ZNF439: variants seen among roughly 807,000 people sequenced by gnomAD.
The protein encoded by ZNF439 is zinc finger protein 439.
Under a neutral mutation model 47.3 loss-of-function variants are expected in ZNF439, and 40 were observed. That is an observed-to-expected ratio of 0.85 (90% CI 0.66 to 1.10). ZNF439 has a LOEUF of 1.10. ZNF439 is among the 50% of genes least tolerant of loss of function. The pLI is 0.00. For synonymous variants in ZNF439, 171 were observed against 198.8 expected (o/e 0.86, Z 1.18); for missense variants, 556 against 601.1 (o/e 0.93, Z 0.78).
chr19:11,851,257 T>A (rs1976231754), intron 1 of ZNF439: 7 of 152,368 alleles, frequency 4.6e-5, no homozygotes, highest in Middle Eastern at 3.4e-3. Flanking sequence ...AAGCTGTGCC[T>A]ACCTGCATGT....
intron 1 of ZNF439, among the ~76,000 whole-genome samples, chr19:11,864,813 A>G (rs560799587): frequency 6.8e-6 from 1 of 147,432 alleles, no homozygotes; most frequent in South Asian, 2.1e-4. Context: ...TTTTTTTTTG[A>G]GATGCAGTTT....
intron 1 of ZNF439, among the ~76,000 whole-genome samples, chr19:11,855,371 G>T (rs575067958): frequency 2.0e-5 from 3 of 152,168 alleles, no homozygotes; most frequent in African/African-American, 7.2e-5. Flanking sequence ...GGGCGACTGG[G>T]CCGGGAATGG....
At chr19:11,865,198 C>T (rs894821414) in intron 1 of ZNF439, among the ~76,000 whole-genome samples, 1 of 152,118 alleles carries the variant, frequency 6.6e-6, no homozygotes, top group Non-Finnish European at 1.5e-5. Context: ...TTACTGCCAC[C>T]CCAGGAAGGT....
chr19:11,866,497 T>A, intron 2 of ZNF439, 40 bp from the exon 3 acceptor site: 1 of 1,608,390 alleles, frequency 6.2e-7, no homozygotes, highest in Non-Finnish European at 8.5e-7. Flanking sequence ...TTCACAATTT[T>A]ATACTGCCTC....
intron 1 of ZNF439, chr19:11,856,534 TACATGA>T (rs1976391103): frequency 6.6e-6 from 1 of 152,258 alleles, no homozygotes; most frequent in South Asian, 2.1e-4. Context: ...TGTCTATAGT[TACATGA>T]ACATAGCTAA....
In ZNF439 at chr19:11,868,404, A is replaced by G; in HGVS notation, c.1350A>G (p.Lys450=). 1 of 1,613,842 alleles carries G rather than the reference A, an allele frequency of 6.2e-7. No homozygotes were observed. Among genetic ancestry groups the G allele is most frequent in the Non-Finnish European group, 8.5e-7 (1 of 1,179,962 alleles). The change falls in exon 4 of 4, where the codon AAA becomes AAG. Residue 450 remains lysine (K), a synonymous_variant. Transcript: ENST00000682736. ...CGTATCAATGTAAGGAATGTGGGAA[A>G]GCTTTCAGATCTGCCTCACAACTTC... ...EKPYQCKECG[K]AFRSASQLRI...
chr19:11,860,667 T>C (rs1226029348), intron 1 of ZNF439, among the ~76,000 whole-genome samples: 1 of 152,190 alleles, frequency 6.6e-6, no homozygotes, highest in African/African-American at 2.4e-5. Flanking sequence ...TTGCTTCTAG[T>C]GAACAAGGGC....
At chr19:11,866,377 G>A (rs1279459151) in intron 2 of ZNF439, 46 bp downstream of exon 2, 1 of 1,612,286 alleles carries the variant, frequency 6.2e-7, no homozygotes, top group Admixed American at 1.7e-5. Context: ...GTTTACCAAT[G>A]TTTCTAGCTC....
At position 11,868,114 on chromosome 19, in the gene ZNF439, T is replaced by C. The variant is rs746956499; in HGVS notation, c.1060T>C (p.Ser354Pro). 2.5e-6 allele frequency: 4 copies of C among 1,614,152 alleles called. No individual in the cohort carries two copies. In the South Asian group the frequency reaches 3.3e-5, roughly 13 times the overall value. ...TTTTCAAACACACATAAGAATGCAC[T>C]CTGGAGAAAGACCTTATGAATGTAA... is the stretch of plus-strand genomic sequence containing the variant. ...TSFQTHIRMH[S>P]GERPYECKTC... The change falls in exon 4 of 4, where the codon TCT becomes CCT. Residue 354 changes from serine to proline, a missense_variant. Coordinates refer to ENST00000682736, the MANE Select transcript of ZNF439 (RefSeq NM_001348719.2).
chr19:11,862,637 A>G (rs1568258255), intron 1 of ZNF439, among the ~76,000 whole-genome samples: 1 of 152,104 alleles, frequency 6.6e-6, no homozygotes, highest in Non-Finnish European at 1.5e-5. Context: ...TTCCATTCAC[A>G]TCCCTAGTGA....
intron 1 of ZNF439, among the ~76,000 whole-genome samples, chr19:11,853,858 G>A (rs1481594367): frequency 1.3e-5 from 2 of 152,150 alleles, no homozygotes; most frequent in Non-Finnish European, 2.9e-5. Context: ...CTATATATGA[G>A]ATGTTAATAT....
chr19:11,852,321 C>T (rs1976269830), intron 1 of ZNF439, among the ~76,000 whole-genome samples: 1 of 152,054 alleles, frequency 6.6e-6, no homozygotes, highest in African/African-American at 2.4e-5. Context: ...TTCCTGTTTC[C>T]CTTCAGTCAT....
intron 1 of ZNF439, 46 bp from the exon 2 acceptor site, chr19:11,866,159 G>C: frequency 6.2e-7 from 1 of 1,612,846 alleles, no homozygotes; most frequent in Non-Finnish European, 8.5e-7. Flanking sequence ...GGCCCCCAAT[G>C]CTGTCACTCT....
chr19:11,860,726 G>C (rs1038513914), intron 1 of ZNF439, among the ~76,000 whole-genome samples: 4 of 152,268 alleles, frequency 2.6e-5, no homozygotes, highest in Middle Eastern at 3.4e-3. Context: ...GAGATAGAAG[G>C]GGGTGGTTGT....
chr19:11,868,348 T>G lies in ZNF439; in HGVS notation c.1294T>G (p.Leu432Val). 2 of 1,598,908 alleles carry G rather than the reference T, an allele frequency of 1.3e-6. No homozygotes were observed. Among genetic ancestry groups the G allele is most frequent in the South Asian group, 1.1e-5 (1 of 90,566 alleles). Reference protein sequence around the residue: ...KAFRSAPNLQLHGRTHTGEKP... With the variant: ...KAFRSAPNLQVHGRTHTGEKP... ...CTTCAGATCTGCCCCAAATCTTCAA[T>G]TGCATGGTAGGACTCACACTGGAGA... Residue 432 changes from leucine (L) to valine (V), a missense_variant, in exon 4 of 4, where the codon TTG becomes GTG. Leu to Val is a conservative substitution (Grantham distance 32). Transcript: ENST00000682736.
chr19:11,868,514 G>A lies in ZNF439; in HGVS notation c.1460G>A (p.Arg487Gln), dbSNP rs144021054. 1.2e-5 allele frequency: 20 copies of A among 1,608,458 alleles called. No homozygotes were observed. In the African/African-American group the frequency reaches 1.8e-4, roughly 14 times the overall value. The change falls in exon 4 of 4, where the codon CGA becomes CAA. Residue 487 changes from arginine (R) to glutamine (Q), a missense_variant. Transcript: ENST00000682736. The part of the protein sequence containing the change: ...GKAFRYVQNF[R>Q]FHERTQTHKN... ...GCCTTCAGATATGTCCAGAACTTTC[G>A]ATTTCATGAAAGGACACAAACACAT...
In ZNF439 at chr19:11,851,986, A is replaced by C. The variant is rs2607459; in HGVS notation, c.63+3056A>C. Among the ~76,000 whole-genome samples, 11 of 151,964 alleles carry C rather than the reference A, an allele frequency of 7.2e-5. No homozygotes were observed. The South Asian group carries it at 1.2e-3, about 17-fold the overall frequency. ...GTTATCGTTTGCTTTTTTCCCCCAGAGCTTGTTTTCTTTTCTTTCTAGCTG... is the reference window on the plus strand; with the variant it reads ...GTTATCGTTTGCTTTTTTCCCCCAGCGCTTGTTTTCTTTTCTTTCTAGCTG... On this transcript the variant is annotated intron_variant, in intron 1 of 3. Transcript: ENST00000682736.
chr19:11,866,111 T>G, intron 1 of ZNF439, 94 bp from the exon 2 acceptor site: 2 of 1,578,564 alleles, frequency 1.3e-6, no homozygotes, highest in Non-Finnish European at 1.7e-6. Flanking sequence ...ATGTTTGGAG[T>G]CCACGGCATC....
intron 1 of ZNF439, among the ~76,000 whole-genome samples, chr19:11,852,249 C>CTG (rs1976267777): frequency 6.6e-6 from 1 of 152,008 alleles, no homozygotes; most frequent in African/African-American, 2.4e-5. Context: ...AGTGAGACCC[C>CTG]CCATCTCAAT....
Sources: allele counts gnomAD v4.1 joint callset (sites outside exome capture counted in the v4.1 genomes callset), GRCh38; gene constraint gnomAD v4.1.1; transcripts MANE v1.5; gene names NCBI Gene and HGNC (gene_info 2026-07-23, HGNC 2026-07-21).